TUBGCP3: variants seen among roughly 807,000 people sequenced by gnomAD.
The protein encoded by TUBGCP3 is tubulin gamma complex component 3.
A neutral mutation model predicts 123.1 loss-of-function variants in TUBGCP3; 50 were observed. The observed-to-expected ratio is 0.41, with a 90% CI of 0.32 to 0.51. The LOEUF is 0.51. Among genes scored for constraint, TUBGCP3 ranks in the 20% least tolerant of loss-of-function variants. TUBGCP3 has a pLI of 0.36. For synonymous variants in TUBGCP3, 405 were observed against 413.9 expected (o/e 0.98, Z 0.26); for missense variants, 882 against 1,127.0 (o/e 0.78, Z 3.11).
chr13:112,584,501 C>CA lies in TUBGCP3; in HGVS notation c.76+3403dup, dbSNP rs1477899805. On this transcript the variant is annotated intron_variant, in intron 1 of 21. Coordinates refer to ENST00000261965, the MANE Select transcript of TUBGCP3 (RefSeq NM_006322.6). ...GATCACATGGTATTTGGAACTTCAT[C>CA]AAAAGCTCTTTACCATTTTGGAAAA... Among the ~76,000 whole-genome samples the CA allele has an allele frequency of 4.6e-5, 7 of 152,256 alleles. No individual in the cohort carries two copies. In the East Asian group the frequency reaches 1.3e-3, roughly 29 times the overall value.
intron 20 of TUBGCP3, among the ~76,000 whole-genome samples, chr13:112,493,467 T>A (rs1380172642): frequency 4.2e-4 from 39 of 92,860 alleles, no homozygotes; most frequent in South Asian, 1.5e-3. Context: ...CACTCTAGCT[T>A]TGGGAACAGG....
intron 17 of TUBGCP3, among the ~76,000 whole-genome samples, chr13:112,513,811 A>C (rs1376456265): frequency 6.6e-6 from 1 of 152,222 alleles, no homozygotes; most frequent in South Asian, 2.1e-4. Context: ...GTAGTCCCCC[A>C]CACAGTTTCT....
chr13:112,559,599 C>G (rs996898363), intron 3 of TUBGCP3, among the ~76,000 whole-genome samples, 200 bp from the exon 4 acceptor site: 2 of 152,200 alleles, frequency 1.3e-5, no homozygotes, highest in Non-Finnish European at 2.9e-5. Context: ...CAACCAACAA[C>G]CTTGGATCTT....
Position 112,558,286 on chromosome 13 carries a change from C to T in TUBGCP3, c.458G>A (p.Ser153Asn), listed in dbSNP as rs781617566. Residue 153 changes from serine to asparagine, a missense_variant, in exon 5 of 22, where the codon AGC becomes AAC. Coordinates refer to ENST00000261965, the MANE Select transcript of TUBGCP3 (RefSeq NM_006322.6). ...GCCACTGCTGCCCACGCTGCCGGAG[C>T]TCTGGGCTGACTGGGCACTCCGATC... ...YQDRSAQSAQ[S>N]SGSVGSSGIS... 6 of 1,613,442 alleles carry T rather than the reference C, an allele frequency of 3.7e-6. No homozygotes were observed. In the South Asian group the frequency reaches 5.5e-5, roughly 15 times the overall value.
intron 11 of TUBGCP3, among the ~76,000 whole-genome samples, chr13:112,533,641 A>T (rs1274893854): frequency 6.6e-6 from 1 of 151,742 alleles, no homozygotes; most frequent in Non-Finnish European, 1.5e-5. Context: ...TTCACATCAC[A>T]TGTTGAGCTG....
chr13:112,554,119 T>A lies in TUBGCP3; in HGVS notation c.904A>T (p.Asn302Tyr). 6.2e-7 allele frequency: 1 copy of A among 1,614,188 alleles called. No homozygotes were observed. The highest frequency in any genetic ancestry group is 8.5e-7 in the Non-Finnish European group (1 of 1,180,030). Residue 302 changes from asparagine (N) to tyrosine (Y), a missense_variant, in exon 8 of 22, where the codon AAT (asparagine) becomes TAT (tyrosine). By Grantham distance (143) the Asn-to-Tyr change is moderately radical. Coordinates refer to ENST00000261965, the MANE Select transcript of TUBGCP3 (RefSeq NM_006322.6). ...TGGTCCGTGTATCTTCTGATTTTAT[T>A]ATGCAACCATCCCAACTCAGAAAGC... ...VRLSELGWLH[N>Y]KIRRYTDQRS... is the part of the protein sequence containing the mutation.
rs1370457939 is a variant in TUBGCP3 at position 112,508,454 on chromosome 13, T to C, written c.2087-3740A>G. Among the ~76,000 whole-genome samples, 1 of 152,144 alleles carries C rather than the reference T, an allele frequency of 6.6e-6. No individual in the cohort carries two copies. The highest frequency in any genetic ancestry group is 1.9e-4 in the East Asian group (1 of 5,178). ...AAGGGGCCTGTTAGTTGAAAAGGTATCGTGCACCACGACAGACAGGTCTAC... is the reference window on the plus strand; with the variant it reads ...AAGGGGCCTGTTAGTTGAAAAGGTACCGTGCACCACGACAGACAGGTCTAC... On this transcript the variant is annotated intron_variant, in intron 17 of 21. Coordinates refer to ENST00000261965, the MANE Select transcript of TUBGCP3 (RefSeq NM_006322.6). The surrounding 1 kb of genome is among the most constrained non-coding windows in gnomAD (Gnocchi z 4.2).
the TUBGCP3 span, among the ~76,000 whole-genome samples, chr13:112,594,447 A>T: frequency 0.45 from 68,453 of 152,140 alleles, 19,793 homozygotes; most frequent in African/African-American, 0.83. Flanking sequence ...TCCCAACCTA[A>T]GACTACAAAG....
intron 1 of TUBGCP3, among the ~76,000 whole-genome samples, chr13:112,578,761 T>C (rs1003465863): frequency 1.3e-5 from 2 of 151,996 alleles, no homozygotes; most frequent in East Asian, 3.9e-4. Context: ...ACAGCCTCCA[T>C]ACTTAGCGAT....
intron 17 of TUBGCP3, 69 bp from the exon 18 acceptor site, chr13:112,504,783 T>C: frequency 1.6e-6 from 2 of 1,250,054 alleles, no homozygotes; most frequent in Non-Finnish European, 2.3e-6. Context: ...TGTTCTCCCT[T>C]ACCCACCTGC....
the TUBGCP3 span, among the ~76,000 whole-genome samples, chr13:112,601,729 C>A: frequency 2.0e-5 from 3 of 152,192 alleles, no homozygotes; most frequent in Non-Finnish European, 4.4e-5. Context: ...ACAACCTTCT[C>A]AAAGCCTCTT....
chr13:112,503,833 C>G (rs1881096477), intron 19 of TUBGCP3, among the ~76,000 whole-genome samples, 199 bp downstream of exon 19: 1 of 152,158 alleles, frequency 6.6e-6, no homozygotes. Flanking sequence ...AGAGTATATT[C>G]TTGTTTCAGC....
rs757859164 is a variant in TUBGCP3 at position 112,547,512 on chromosome 13, G to T, written c.1168+108C>A. 3.0e-6 allele frequency: 4 copies of T among 1,339,884 alleles called. No individual in the cohort carries two copies. The East Asian group carries it at 1.1e-4, about 36-fold the overall frequency. 83.0% of individuals were successfully genotyped at this position (1,339,884 alleles called of 1,614,324 possible). On this transcript the variant is annotated intron_variant, in intron 10 of 21. Coordinates refer to ENST00000261965, the MANE Select transcript of TUBGCP3 (RefSeq NM_006322.6). ...CAAAGCGAGTGCCAGACGCGCGTGG[G>T]AAAGACGCGCGTGGGAAAGACGTGC...
At chr13:112,503,900 T>G in intron 19 of TUBGCP3, 132 bp downstream of exon 19, 1 of 1,215,858 alleles carries the variant, frequency 8.2e-7, no homozygotes, top group Non-Finnish European at 1.1e-6. Context: ...CAGTAAACTT[T>G]TAATAAAATT....
Position 112,499,099 on chromosome 13 carries a change from T to C in TUBGCP3, c.2394A>G (p.Glu798=), listed in dbSNP as rs1880718914. 1 of 1,614,112 alleles carries C rather than the reference T, an allele frequency of 6.2e-7. No homozygotes were observed. Among genetic ancestry groups the C allele is most frequent in the African/African-American group, 1.3e-5 (1 of 74,948 alleles). Residue 798 remains glutamate, a synonymous_variant, in exon 20 of 22, where the codon GAA becomes GAG. Transcript: ENST00000261965. ...AQDAIYRAAL[E]ELQRRLQFEE... is the part of the protein sequence containing the mutation. ...CAAACTGTAATCGTCTCTGCAATTC[T>C]TCCAGAGCAGCTCTGTATATTGCAT...
At position 112,485,832 on chromosome 13, in the gene TUBGCP3, G is replaced by A. The variant is rs766934782; in HGVS notation, c.*161C>T. 5.0e-5 allele frequency: 38 copies of A among 752,506 alleles called. No homozygotes were observed. The highest frequency in any genetic ancestry group is 8.9e-5 in the African/African-American group (5 of 56,408). 46.6% of individuals were successfully genotyped at this position (752,506 alleles called of 1,614,324 possible). The stretch of plus-strand genomic sequence containing the variant: ...CATTCGACTCCGACATGTGAAACAC[G>A]ACGTGGCTTCTCCCACACGCCGCTC... On this transcript the variant is annotated 3_prime_UTR_variant, in exon 22 of 22. Coordinates refer to ENST00000261965, the MANE Select transcript of TUBGCP3 (RefSeq NM_006322.6).
At chr13:112,490,271 GTTT>G (rs981019348) in intron 20 of TUBGCP3, among the ~76,000 whole-genome samples, 1 of 152,140 alleles carries the variant, frequency 6.6e-6, no homozygotes, top group South Asian at 2.1e-4. Flanking sequence ...TTGTTTGTTT[GTTT>G]TTTGAGATGG....
intron 17 of TUBGCP3, among the ~76,000 whole-genome samples, chr13:112,516,089 TA>T (rs1388266281): frequency 6.6e-6 from 1 of 152,120 alleles, no homozygotes; most frequent in Admixed American, 6.5e-5. Flanking sequence ...ATTTTTACTA[TA>T]GTTTTAGATT....
At chr13:112,517,680 C>G (rs915161353) in intron 16 of TUBGCP3, among the ~76,000 whole-genome samples, 1 of 152,266 alleles carries the variant, frequency 6.6e-6, no homozygotes, top group Non-Finnish European at 1.5e-5. Flanking sequence ...CACCTGAGGT[C>G]AGGAGTTTGA....
Sources: allele counts gnomAD v4.1 joint callset (sites outside exome capture counted in the v4.1 genomes callset), GRCh38; gene constraint gnomAD v4.1.1; non-coding constraint Gnocchi (gnomAD v3.1); transcripts MANE v1.5; gene names NCBI Gene and HGNC (gene_info 2026-07-23, HGNC 2026-07-21).